LPA: variants seen among roughly 807,000 people sequenced by gnomAD.
LPA encodes the protein apolipoprotein(a).
Under a neutral mutation model 197.9 loss-of-function variants are expected in LPA, and 199 were observed. That is an observed-to-expected ratio of 1.01 (90% CI 0.90 to 1.13). The LOEUF (loss-of-function observed/expected upper bound fraction) is 1.13, where lower values mean the gene tolerates loss of function less well. Ranked by LOEUF, LPA falls within the 50% of genes most tolerant of loss-of-function variation. LPA has a pLI of 0.00. For missense variants in LPA, 1,853 were observed against 1,785.8 expected (o/e 1.04, Z -0.68); for synonymous variants, 715 against 639.5 (o/e 1.12, Z -1.78).
chr6:160,664,231 A>C lies in LPA; in HGVS notation c.-17T>G, dbSNP rs1422737457. On this transcript the variant is annotated 5_prime_UTR_variant, in exon 1 of 39. Transcript: ENST00000316300. Reference sequence around the variant, plus strand: ...ATGTTCCATTTTGGGACTGGCCAGCAGTGCCCAGAAAGTGTGTCCCAATCC... The same window carrying C: ...ATGTTCCATTTTGGGACTGGCCAGCCGTGCCCAGAAAGTGTGTCCCAATCC... 10 of 1,605,772 alleles carry C rather than the reference A, an allele frequency of 6.2e-6. No individual in the cohort carries two copies. In the Middle Eastern group the frequency reaches 6.7e-4, roughly 108 times the overall value.
chr6:160,579,505 G>A lies in LPA; in HGVS notation c.4290-801C>T, dbSNP rs146410893. Among the ~76,000 whole-genome samples, 670 of 152,300 alleles carry A rather than the reference G, an allele frequency of 4.4e-3. 6 individuals are homozygous for A. The highest frequency in any genetic ancestry group is 0.016 in the African/African-American group (645 of 41,574). On this transcript the variant is annotated intron_variant, in intron 26 of 38. Coordinates refer to ENST00000316300, the MANE Select transcript of LPA (RefSeq NM_005577.4). ...AGAACAGCGGGACCCAAGGCATAAA[G>A]GGAGACGGCTAGGTAGACTATGGGA...
intron 28 of LPA, among the ~76,000 whole-genome samples, chr6:160,574,130 G>A (rs1434110785): frequency 6.6e-6 from 1 of 152,062 alleles, no homozygotes; most frequent in Non-Finnish European, 1.5e-5. Flanking sequence ...GTACCTAGGA[G>A]GATTATGGCT....
intron 33 of LPA, among the ~76,000 whole-genome samples, chr6:160,545,078 A>G (rs1778044003): frequency 6.6e-6 from 1 of 151,906 alleles, no homozygotes; most frequent in East Asian, 1.9e-4. Context: ...GCTGCAGAAG[A>G]GGACAGTTTT....
intron 26 of LPA, among the ~76,000 whole-genome samples, chr6:160,583,285 C>A (rs115405773): frequency 2.0e-5 from 3 of 152,170 alleles, no homozygotes; most frequent in African/African-American, 7.2e-5. Context: ...TATAATTGAG[C>A]AATTTAATTT....
intron 27 of LPA, among the ~76,000 whole-genome samples, chr6:160,578,018 G>A (rs1421665253): frequency 2.6e-5 from 4 of 152,126 alleles, no homozygotes; most frequent in Non-Finnish European, 4.4e-5. Context: ...GCCAGGGAGA[G>A]ACAGCATTCG....
intron 35 of LPA, among the ~76,000 whole-genome samples, chr6:160,540,603 T>G (rs1427214238): frequency 1.3e-5 from 2 of 152,312 alleles, no homozygotes; most frequent in African/African-American, 4.8e-5. Flanking sequence ...TCTCTGTCTC[T>G]TGCTCCTGCT....
intron 18 of LPA, among the ~76,000 whole-genome samples, chr6:160,604,833 C>A (rs1385079618): frequency 6.6e-6 from 1 of 152,110 alleles, no homozygotes; most frequent in Non-Finnish European, 1.5e-5. Context: ...CTCCAGATAC[C>A]TTTCTGCTCC....
chr6:160,540,326 A>G, intron 35 of LPA, 143 bp from the exon 36 acceptor site: 1 of 848,546 alleles, frequency 1.2e-6, no homozygotes, highest in Non-Finnish European at 2.0e-6. Flanking sequence ...AAAATTCACA[A>G]TTTGCTGGAA....
At chr6:160,571,515 A>G (rs947063059) in intron 28 of LPA, among the ~76,000 whole-genome samples, 16 of 152,056 alleles carry the variant, frequency 1.1e-4, no homozygotes, top group Admixed American at 8.5e-4. Flanking sequence ...GGGAGATGGG[A>G]GTTTTATCTA....
chr6:160,609,029 G>T (rs181151495), intron 16 of LPA, among the ~76,000 whole-genome samples: 1 of 151,780 alleles, frequency 6.6e-6, no homozygotes, highest in Non-Finnish European at 1.5e-5. Flanking sequence ...ATTTGATTTG[G>T]CTAGTCAATA....
At chr6:160,564,943 A>G (rs777539209) in intron 28 of LPA, among the ~76,000 whole-genome samples, 1 of 152,168 alleles carries the variant, frequency 6.6e-6, no homozygotes, top group African/African-American at 2.4e-5. Context: ...GTAGTCTGAG[A>G]CCGAACTGCA....
At chr6:160,656,486 C>T (rs1276510305) in intron 1 of LPA, among the ~76,000 whole-genome samples, 1 of 152,164 alleles carries the variant, frequency 6.6e-6, no homozygotes, top group African/African-American at 2.4e-5. Context: ...AGCTAAAACT[C>T]CATTAATTAC....
chr6:160,647,384 C>T (rs543785499), intron 2 of LPA, among the ~76,000 whole-genome samples: 2 of 152,286 alleles, frequency 1.3e-5, no homozygotes, highest in Non-Finnish European at 2.9e-5. Context: ...ACATTCATGA[C>T]CTGTGGCTGC....
In LPA at chr6:160,555,290, T is replaced by TTATAG. The variant is rs139678436; in HGVS notation, c.4973+734_4973+735insCTATA. On this transcript the variant is annotated intron_variant, in intron 30 of 38. Coordinates refer to ENST00000316300, the MANE Select transcript of LPA (RefSeq NM_005577.4). ...TTATATTATATTATATTATATTATATGTTAGTGTGTGTGTGTGTGTGTGTG... is the reference window on the plus strand; with the variant it reads ...TTATATTATATTATATTATATTATATTATAGGTTAGTGTGTGTGTGTGTGTGTGTG... Among the ~76,000 whole-genome samples, 102 of 103,552 alleles carry TTATAG rather than the reference T, an allele frequency of 9.9e-4. 4 individuals carry two copies. The South Asian group carries it at 0.029, about 29-fold the overall frequency. The allele number at this position is 103,552 out of a possible 152,430, so 67.9% of individuals were successfully genotyped here.
At position 160,605,120 on chromosome 6, in the gene LPA, T is replaced by A; in HGVS notation, c.2871A>T (p.Thr957=). The change falls in exon 18 of 39, where the codon ACA becomes ACT. Residue 957 remains threonine (T), a synonymous_variant. Coordinates refer to ENST00000316300, the MANE Select transcript of LPA (RefSeq NM_005577.4). ...SYQGTYFITV[T]GRTCQAWSSM... ...ATGACCAAGCTTGGCAGGTTCTTCC[T>A]GTGACAGTAATGAAGTATGTGCCTT... The A allele has an allele frequency of 1.2e-6, 2 of 1,613,990 alleles. No individual in the cohort carries two copies. Among genetic ancestry groups the A allele is most frequent in the Non-Finnish European group, 1.7e-6 (2 of 1,179,854 alleles).
intron 1 of LPA, among the ~76,000 whole-genome samples, chr6:160,655,805 TGTAATGGACCA>T (rs1189894279): frequency 1.3e-5 from 2 of 152,216 alleles, no homozygotes; most frequent in Non-Finnish European, 2.9e-5. Flanking sequence ...ATGTCATGAA[TGTAATGGACCA>T]GTGTTATATC....
At chr6:160,555,475 G>GTGTGTGTGTA (rs1778246832) in intron 30 of LPA, among the ~76,000 whole-genome samples, 1 of 135,422 alleles carries the variant, frequency 7.4e-6, no homozygotes, top group Non-Finnish European at 1.6e-5. Context: ...ATATATATAT[G>GTGTGTGTGTA]TATATATATA....
At chr6:160,578,978 A>C (rs1269092148) in intron 26 of LPA, among the ~76,000 whole-genome samples, 6 of 152,210 alleles carry the variant, frequency 3.9e-5, no homozygotes, top group Non-Finnish European at 8.8e-5. Flanking sequence ...ACAAGAAAGG[A>C]TCAGAATATC....
intron 23 of LPA, among the ~76,000 whole-genome samples, chr6:160,589,930 G>C (rs1335386973): frequency 6.6e-6 from 1 of 152,192 alleles, no homozygotes; most frequent in East Asian, 1.9e-4. Context: ...TAAAACCTGG[G>C]CACCAAAGGA....
Sources: allele counts gnomAD v4.1 joint callset (sites outside exome capture counted in the v4.1 genomes callset), GRCh38; gene constraint gnomAD v4.1.1; transcripts MANE v1.5; gene names NCBI Gene and HGNC (gene_info 2026-07-23, HGNC 2026-07-21).